Variants in AGRN observed in about 807,000 individuals in gnomAD.
AGRN encodes the protein agrin proteoglycan.
Under a neutral mutation model 211.0 loss-of-function variants are expected in AGRN, and 106 were observed. That is an observed-to-expected ratio of 0.50 (90% CI 0.43 to 0.59). AGRN has a LOEUF of 0.59. AGRN is among the 20% of genes least tolerant of loss of function. The pLI, the probability that AGRN is intolerant of heterozygous loss-of-function variation, is 0.00. For synonymous variants in AGRN, 1,525 were observed against 1,332.5 expected (o/e 1.14, Z -3.15); for missense variants, 3,040 against 2,982.6 (o/e 1.02, Z -0.45).
At chr1:1,026,314 AAGG>A (rs1383531425) in intron 2 of AGRN, among the ~76,000 whole-genome samples, 1 of 151,896 alleles carries the variant, frequency 6.6e-6, no homozygotes, top group African/African-American at 2.4e-5. Context: ...GGTAGGGGAG[AAGG>A]AGGTTAGGGT....
rs753108360 is a variant in AGRN, at chr1:1,045,287, T to C, written c.2371+10T>C. The stretch of plus-strand genomic sequence containing the variant: ...CTGGCTGGCTGCCCCAGTGAGTACC[T>C]GAGCTCAGCCCCGACCCCGGGCCTG... On this transcript the variant is annotated intron_variant, in intron 13 of 35. Coordinates refer to ENST00000379370, the MANE Select transcript of AGRN (RefSeq NM_198576.4). 1.2e-6 allele frequency: 2 copies of C among 1,611,850 alleles called. No homozygotes were observed. The highest frequency in any genetic ancestry group is 1.7e-5 in the Admixed American group (1 of 59,952).
rs371871999 is a variant in AGRN, at chr1:1,049,613, G to A, written c.4562G>A (p.Arg1521His). 54 of 1,591,634 alleles carry A rather than the reference G, an allele frequency of 3.4e-5. No homozygotes were observed. Among genetic ancestry groups the A allele is most frequent in the East Asian group, 1.1e-4 (5 of 43,908 alleles). Residue 1521 changes from arginine (R) to histidine (H), a missense_variant, in exon 26 of 36, where the codon CGT becomes CAT. By Grantham distance (29) the Arg-to-His change is conservative. Around this residue, in one of 3 missense-constraint regions of AGRN, gnomAD observed 1,537 missense variants for 1,505.0 expected, o/e 1.02. Coordinates refer to ENST00000379370, the MANE Select transcript of AGRN (RefSeq NM_198576.4). Reference sequence around the variant, plus strand: ...GGCGCCGGCCTGAGGGGGTGCATCCGTTTGCTGGACGTCAACAACCAGCGC... The same window carrying A: ...GGCGCCGGCCTGAGGGGGTGCATCCATTTGCTGGACGTCAACAACCAGCGC... Reference protein sequence around the residue: ...FVGAGLRGCIRLLDVNNQRLE... With the variant: ...FVGAGLRGCIHLLDVNNQRLE...
In AGRN at chr1:1,047,160, C is replaced by A. The variant is rs1645122495; in HGVS notation, c.3389-167C>A. 3 of 1,356,906 alleles carry A rather than the reference C, an allele frequency of 2.2e-6. No homozygotes were observed. In the Admixed American group the frequency reaches 8.0e-5, roughly 36 times the overall value. 84.1% of individuals were successfully genotyped at this position (1,356,906 alleles called of 1,614,324 possible). ...TGGCACACTGCTCTGAGGAGTCCTC[C>A]TGGTAACCGACACCAGCCCCACCCT... On this transcript the variant is annotated intron_variant, in intron 19 of 35. Transcript: ENST00000379370.
At chr1:1,030,789 A>G (rs1570158443) in intron 2 of AGRN, among the ~76,000 whole-genome samples, 1 of 87,426 alleles carries the variant, frequency 1.1e-5, no homozygotes, top group African/African-American at 4.6e-5. Context: ...GTGTGTGTGC[A>G]GTGCATGGTG....
chr1:1,027,226 G>A (rs4970393), intron 2 of AGRN, among the ~76,000 whole-genome samples: 74,566 of 152,166 alleles, frequency 0.49, 20,403 homozygotes, highest in East Asian at 0.79. Context: ...TGTGGCCTGC[G>A]TGTGTGCATG....
At chr1:1,037,612 G>T (rs561841146) in intron 3 of AGRN, among the ~76,000 whole-genome samples, 1 of 152,230 alleles carries the variant, frequency 6.6e-6, no homozygotes, top group South Asian at 2.1e-4. Context: ...CCGGGGAGGG[G>T]CTCCTGCAGG....
At chr1:1,053,470 T>A (rs949324776) in intron 33 of AGRN, 1 of 1,488,430 alleles carries the variant, frequency 6.7e-7, no homozygotes, top group African/African-American at 1.4e-5. Context: ...GCCCCGAAAC[T>A]CTGGATTCCG....
Position 1,046,189 on chromosome 1 carries a change from C to G in AGRN, c.2835C>G (p.Gly945=), listed in dbSNP as rs772582506. Residue 945 remains glycine (G), a synonymous_variant, in exon 17 of 36, where the codon GGC becomes GGG. Transcript: ENST00000379370. ...KVCGSDGVTY[G]NECQLKTIAC... ...GTGGGTCAGATGGAGTCACATACGGCAACGAGTGTCAGCTGAAGACCATCG... is the reference window on the plus strand; with the variant it reads ...GTGGGTCAGATGGAGTCACATACGGGAACGAGTGTCAGCTGAAGACCATCG... 6.2e-7 allele frequency: 1 copy of G among 1,613,818 alleles called. No homozygotes were observed. The highest frequency in any genetic ancestry group is 1.1e-5 in the South Asian group (1 of 91,090).
rs1022796152 is a variant in AGRN, at chr1:1,050,730, A to G, written c.5146A>G (p.Arg1716Gly). Residue 1716 changes from arginine to glycine, a missense_variant, in exon 30 of 36, where the codon AGG becomes GGG. Physicochemically the swap from Arg to Gly is moderately radical, Grantham distance 125. Transcript: ENST00000379370. Reference sequence around the variant, plus strand: ...CACGCTGCCCCTCCTCACCAGGAGCAGGGAGCCAGTCACCCTGGGAGCCTG... The same window carrying G: ...CACGCTGCCCCTCCTCACCAGGAGCGGGGAGCCAGTCACCCTGGGAGCCTG... ...LGKGAAVIRSREPVTLGAWTR... is the reference protein window; with the variant it reads ...LGKGAAVIRSGEPVTLGAWTR... 6.2e-7 allele frequency: 1 copy of G among 1,602,148 alleles called. No homozygotes were observed. Among genetic ancestry groups the G allele is most frequent in the Admixed American group, 1.7e-5 (1 of 58,822 alleles).
Position 1,053,897 on chromosome 1 carries a change from C to T in AGRN, c.5796C>T (p.Tyr1932=). 1 of 1,608,790 alleles carries T rather than the reference C, an allele frequency of 6.2e-7. No homozygotes were observed. The highest frequency in any genetic ancestry group is 8.5e-7 in the Non-Finnish European group (1 of 1,178,318). The change falls in exon 34 of 36, where the codon TAC becomes TAT. Residue 1932 remains tyrosine (Y), a synonymous_variant. Transcript: ENST00000379370. ...TGGACGGGCACCTGCAACTGAGCTA[C>T]AACCTGGGCTCCCAGCCCGTGGTGC... ...AIVDGHLQLS[Y]NLGSQPVVLR...
Position 1,043,478 on chromosome 1 carries a change from C to T in AGRN, c.1603+21C>T, listed in dbSNP as rs371938877. The T allele has an allele frequency of 1.5e-5, 24 of 1,593,524 alleles. No individual in the cohort carries two copies. In the African/African-American group the frequency reaches 2.5e-4, roughly 17 times the overall value. ...CTGTGGTCAGTGGCGGGTGAGGGGTCTGGTGGGGGTCGGGGAGAGAGAGGT... is the reference window on the plus strand; with the variant it reads ...CTGTGGTCAGTGGCGGGTGAGGGGTTTGGTGGGGGTCGGGGAGAGAGAGGT... On this transcript the variant is annotated intron_variant, in intron 8 of 35. Transcript: ENST00000379370.
At chr1:1,033,719 C>T (rs1165717087) in intron 2 of AGRN, among the ~76,000 whole-genome samples, 2 of 135,852 alleles carry the variant, frequency 1.5e-5, no homozygotes, top group African/African-American at 5.6e-5. Context: ...CCCCCAGTCC[C>T]AACACCTTCA....
chr1:1,043,312 A>G lies in AGRN; in HGVS notation c.1458A>G (p.Ala486=), dbSNP rs1462058029. ...CGTGTGCTGTGAAGAACGGGCAGGC[A>G]GCGTGTGAATGCCTGCAGGCGTGCT... ...GATCAVKNGQ[A]ACECLQACSS... is the part of the protein sequence containing the mutation. Residue 486 remains alanine, a synonymous_variant, in exon 8 of 36, where the codon GCA becomes GCG. Transcript: ENST00000379370. 1.2e-6 allele frequency: 2 copies of G among 1,611,166 alleles called. No individual in the cohort carries two copies. Among genetic ancestry groups the G allele is most frequent in the African/African-American group, 1.3e-5 (1 of 74,908 alleles).
At chr1:1,040,200 C>G (rs1052488771) in intron 3 of AGRN, among the ~76,000 whole-genome samples, 12 of 152,152 alleles carry the variant, frequency 7.9e-5, no homozygotes, top group Non-Finnish European at 1.2e-4. Context: ...GGGGCTCCCC[C>G]GGCTCCATGG....
rs1557699872 is a variant in AGRN at position 1,040,886 on chromosome 1, CGGGGCGGGGCCGGTGCCT to C, written c.727+16_727+33del. The C allele has an allele frequency of 2.2e-6, 3 of 1,359,256 alleles. No individual in the cohort carries two copies. The highest frequency in any genetic ancestry group is 2.6e-5 in the Admixed American group (1 of 38,108). The allele number at this position is 1,359,256 out of a possible 1,614,324, so 84.2% of individuals were successfully genotyped here. On this transcript the variant is annotated splice_region_variant and intron_variant, in intron 4 of 35. Transcript: ENST00000379370. ...GCTCAGCCGCGGGCCGTGCGGTGAG[CGGGGCGGGGCCGGTGCCT>C]GGGGCGGGGAGGGGCGGGGCCTATG...
At chr1:1,047,188 G>T in intron 19 of AGRN, 139 bp from the exon 20 acceptor site, 2 of 1,424,768 alleles carry the variant, frequency 1.4e-6, no homozygotes, top group Non-Finnish European at 1.9e-6. Flanking sequence ...CCCACCCTGG[G>T]GTCCCCACTA....
intron 3 of AGRN, 111 bp downstream of exon 3, chr1:1,035,435 A>C (rs1477188082): frequency 4.3e-6 from 6 of 1,407,846 alleles, no homozygotes; most frequent in Middle Eastern, 3.6e-4. Flanking sequence ...AGTGAGGAGG[A>C]GGCTGGACAA....
At position 1,053,952 on chromosome 1, in the gene AGRN, C is replaced by T. The variant is rs746117937; in HGVS notation, c.5851C>T (p.Arg1951Cys). ...TTCCACCGTGCCCGTCAACACCAAC[C>T]GCTGGTTGCGGGTCGTGGCACATAG... ...LRSTVPVNTN[R>C]WLRVVAHREQ... The change falls in exon 34 of 36, where the codon CGC becomes TGC. Residue 1951 changes from arginine to cysteine, a missense_variant. Transcript: ENST00000379370. 28 of 1,602,638 alleles carry T rather than the reference C, an allele frequency of 1.7e-5. No homozygotes were observed. The highest frequency in any genetic ancestry group is 6.7e-5 in the African/African-American group (5 of 74,796).
At chr1:1,041,869 C>G (rs1283439214) in intron 6 of AGRN, 87 bp from the exon 7 acceptor site, 1 of 1,578,840 alleles carries the variant, frequency 6.3e-7, no homozygotes, top group East Asian at 2.3e-5. Context: ...CTGGGAGGGC[C>G]GCCTGCTCCC....
Sources: allele counts gnomAD v4.1 joint callset (sites outside exome capture counted in the v4.1 genomes callset), GRCh38; gene constraint gnomAD v4.1.1; regional missense constraint gnomAD v4.1.1; transcripts MANE v1.5; gene names NCBI Gene and HGNC (gene_info 2026-07-23, HGNC 2026-07-21).